LRRC4C: variants seen among roughly 807,000 people sequenced by gnomAD.
LRRC4C encodes the protein leucine rich repeat containing 4C.
Under a neutral mutation model 33.6 loss-of-function variants are expected in LRRC4C, and 5 were observed. That is an observed-to-expected ratio of 0.15 (90% confidence interval 0.08 to 0.31). LRRC4C has a LOEUF of 0.31. LRRC4C is among the 10% of genes least tolerant of loss of function. The pLI, the probability that LRRC4C is intolerant of heterozygous loss-of-function variation, is 1.00. For missense variants in LRRC4C, 560 were observed against 796.7 expected, an observed-to-expected ratio of 0.70 and a Z score of 3.58; for synonymous variants, 329 against 302.0, an observed-to-expected ratio of 1.09 and a Z score of -0.93.
chr11:40,228,437 C>T (rs1864966534), intron 5 of LRRC4C, among the ~76,000 whole-genome samples: 1 of 150,998 alleles, frequency 6.6e-6, no homozygotes, highest in Non-Finnish European at 1.5e-5. Context: ...GAGAATCTTA[C>T]TTCAAAGTAA....
At chr11:40,560,235 T>C (rs1957494046) in intron 3 of LRRC4C, among the ~76,000 whole-genome samples, 1 of 151,876 alleles carries the variant, frequency 6.6e-6, no homozygotes, top group Non-Finnish European at 1.5e-5. Flanking sequence ...CACAAACAAA[T>C]ACACAGAGCA....
chr11:41,101,481 A>G (rs1487555632), intron 1 of LRRC4C, among the ~76,000 whole-genome samples: 1 of 152,184 alleles, frequency 6.6e-6, no homozygotes, highest in Admixed American at 6.6e-5. Context: ...GGCTGTTATT[A>G]AAAAGTCAAC....
chr11:40,463,566 A>C (rs1045785039), intron 3 of LRRC4C, among the ~76,000 whole-genome samples: 2 of 152,136 alleles, frequency 1.3e-5, no homozygotes, highest in Non-Finnish European at 2.9e-5. Flanking sequence ...TATCAACAAA[A>C]GGCTGGAAAT....
rs144015535 is a variant in LRRC4C at position 40,512,019 on chromosome 11, G to A, written c.-270+136123C>T. On this transcript the variant is annotated intron_variant, in intron 3 of 6. Coordinates refer to ENST00000528697, the MANE Select transcript of LRRC4C (RefSeq NM_001258419.2). ...TATTCTTTAGCATGTATTAGTGCAG[G>A]ATGAGCCTGACAGGTCCAGAAAAAA... is the stretch of plus-strand genomic sequence containing the variant. Among the ~76,000 whole-genome samples, 18 of 152,152 alleles carry A rather than the reference G, an allele frequency of 1.2e-4. No individual in the cohort carries two copies. The East Asian group carries it at 3.3e-3, about 28-fold the overall frequency.
intron 4 of LRRC4C, among the ~76,000 whole-genome samples, chr11:40,319,269 A>G (rs1191424895): frequency 6.6e-6 from 1 of 151,980 alleles, no homozygotes; most frequent in African/African-American, 2.4e-5. Flanking sequence ...AGTTTAACCC[A>G]TTCTCTTCCC....
At chr11:40,913,777 T>G (rs1956808386) in intron 2 of LRRC4C, among the ~76,000 whole-genome samples, 1 of 152,086 alleles carries the variant, frequency 6.6e-6, no homozygotes, top group African/African-American at 2.4e-5. Context: ...TTTGAAAAGA[T>G]CAACAAAATT....
intron 4 of LRRC4C, among the ~76,000 whole-genome samples, chr11:40,243,772 C>G (rs1221216206): frequency 6.7e-6 from 1 of 148,906 alleles, no homozygotes; most frequent in Non-Finnish European, 1.5e-5. Flanking sequence ...TTGCTACATC[C>G]TCTTCCTCTC....
At chr11:41,255,210 TTCTTC>T (rs1429492882) in intron 1 of LRRC4C, among the ~76,000 whole-genome samples, 1 of 152,036 alleles carries the variant, frequency 6.6e-6, no homozygotes, top group African/African-American at 2.4e-5. Flanking sequence ...CAGATGGATC[TTCTTC>T]TCTTGTTTTC....
intron 3 of LRRC4C, among the ~76,000 whole-genome samples, chr11:40,619,231 G>A: frequency 6.6e-6 from 1 of 151,636 alleles, no homozygotes; most frequent in Admixed American, 6.6e-5. Flanking sequence ...ACAATAGGGT[G>A]ATTATAGTCA....
At chr11:40,297,338 C>T (rs944066257) in intron 4 of LRRC4C, among the ~76,000 whole-genome samples, 4 of 152,084 alleles carry the variant, frequency 2.6e-5, no homozygotes, top group South Asian at 2.1e-4. Context: ...CCGGGATAAT[C>T]GTATCAAGCT....
intron 2 of LRRC4C, among the ~76,000 whole-genome samples, chr11:40,734,919 C>T (rs1049064043): frequency 1.4e-4 from 21 of 151,918 alleles, no homozygotes; most frequent in Admixed American, 3.3e-4. Flanking sequence ...CCGCAATGTG[C>T]GCAAGAACCA....
intron 1 of LRRC4C, among the ~76,000 whole-genome samples, chr11:40,999,326 G>C (rs1200704977): frequency 6.6e-6 from 1 of 152,078 alleles, no homozygotes; most frequent in African/African-American, 2.4e-5. Context: ...TGGAAACTTT[G>C]ACAAAGGTAT....
chr11:41,035,436 T>C (rs1279618921), intron 1 of LRRC4C, among the ~76,000 whole-genome samples: 1 of 152,088 alleles, frequency 6.6e-6, no homozygotes, highest in Non-Finnish European at 1.5e-5. Flanking sequence ...TGTGACCATG[T>C]GTTCTCATTG....
intron 4 of LRRC4C, among the ~76,000 whole-genome samples, chr11:40,266,950 C>T (rs144137309): frequency 0.15 from 17,686 of 116,330 alleles, 1,546 homozygotes; most frequent in Admixed American, 0.28. Context: ...CCCACCCACC[C>T]ACCCACCCAC....
chr11:41,260,435 A>G (rs1565526690), intron 1 of LRRC4C, among the ~76,000 whole-genome samples: 1 of 152,084 alleles, frequency 6.6e-6, no homozygotes, highest in Non-Finnish European at 1.5e-5. Context: ...CCGTCCATTC[A>G]TGAAGATGAG....
chr11:41,444,969 A>G (rs1955773646), intron 1 of LRRC4C, among the ~76,000 whole-genome samples: 1 of 151,408 alleles, frequency 6.6e-6, no homozygotes, highest in African/African-American at 2.4e-5. Flanking sequence ...ACGCCCGGCT[A>G]ATTTTGTATT....
chr11:40,807,811 G>A (rs539166799), intron 2 of LRRC4C, among the ~76,000 whole-genome samples: 2 of 152,262 alleles, frequency 1.3e-5, no homozygotes, highest in South Asian at 4.1e-4. Context: ...GGGATCTTAA[G>A]ACAAAGCTTT....
At chr11:40,926,751 T>A (rs1236996196) in intron 2 of LRRC4C, among the ~76,000 whole-genome samples, 1 of 151,966 alleles carries the variant, frequency 6.6e-6, no homozygotes, top group Non-Finnish European at 1.5e-5. Context: ...AAGATAGAAG[T>A]CTACACAGAA....
chr11:40,603,567 G>C (rs1274131439), intron 3 of LRRC4C, among the ~76,000 whole-genome samples: 1 of 152,202 alleles, frequency 6.6e-6, no homozygotes, highest in Non-Finnish European at 1.5e-5. Context: ...ACAGACTTGT[G>C]AGTGGATGTA....
Sources: allele counts gnomAD v4.1 joint callset (sites outside exome capture counted in the v4.1 genomes callset), GRCh38; gene constraint gnomAD v4.1.1; transcripts MANE v1.5; gene names NCBI Gene and HGNC (gene_info 2026-07-23, HGNC 2026-07-21).